Variants in MSRB3 observed in about 807,000 individuals in gnomAD.
MSRB3 encodes methionine sulfoxide reductase B3, also known as methionine-R-sulfoxide reductase B3.
Under a neutral mutation model 21.0 loss-of-function variants are expected in MSRB3, and 13 were observed. The ratio of observed to expected loss-of-function variants is 0.62; its 90% confidence interval spans 0.40 to 0.98. MSRB3 has a LOEUF of 0.98. Among genes scored for constraint, MSRB3 ranks in the 50% least tolerant of loss-of-function variants. The pLI, the probability that MSRB3 is intolerant of heterozygous loss-of-function variation, is 0.00. For synonymous variants in MSRB3, 87 were observed against 88.6 expected (o/e 0.98, Z 0.10); for missense variants, 199 against 230.3 (o/e 0.86, Z 0.88).
intron 5 of MSRB3, among the ~76,000 whole-genome samples, chr12:65,424,486 G>A (rs537617379): frequency 3.5e-4 from 53 of 152,010 alleles, no homozygotes; most frequent in Non-Finnish European, 1.3e-4. Flanking sequence ...TGCTGCATCC[G>A]ATAAGTGTCA....
rs573881775 is a variant in MSRB3, at chr12:65,396,678, T to C, written c.292+27652T>C. On this transcript the variant is annotated intron_variant, in intron 5 of 6. Coordinates refer to ENST00000308259, the MANE Select transcript of MSRB3 (RefSeq NM_001031679.3). ...TACACTCCAGCCTGGGTGACAAGAG[T>C]GAAACTCCATCTCAAAAAAAAAAAA... Among the ~76,000 whole-genome samples, 20 of 108,674 alleles carry C rather than the reference T, an allele frequency of 1.8e-4. No individual in the cohort carries two copies. The South Asian group carries it at 5.9e-3, about 32-fold the overall frequency. 71.3% of individuals were successfully genotyped at this position (108,674 alleles called of 152,430 possible). A position where few individuals can be genotyped will look rare whatever the true frequency, so the allele number is the denominator to read the frequency against.
At chr12:65,373,595 G>A (rs547683455) in intron 5 of MSRB3, among the ~76,000 whole-genome samples, 2 of 152,030 alleles carry the variant, frequency 1.3e-5, no homozygotes, top group African/African-American at 2.4e-5. Flanking sequence ...GGGCTGCTTG[G>A]AATAGCTATA....
At chr12:65,354,398 T>C (rs1452922322) in intron 4 of MSRB3, among the ~76,000 whole-genome samples, 1 of 151,984 alleles carries the variant, frequency 6.6e-6, no homozygotes, top group Non-Finnish European at 1.5e-5. Flanking sequence ...CACAGTCCCT[T>C]ATTTCTTGGA....
At chr12:65,382,914 T>G (rs1204986403) in intron 5 of MSRB3, among the ~76,000 whole-genome samples, 2 of 151,996 alleles carry the variant, frequency 1.3e-5, no homozygotes, top group Middle Eastern at 3.2e-3. Flanking sequence ...GAATAAAAAT[T>G]TCCTCCCAAA....
intron 5 of MSRB3, among the ~76,000 whole-genome samples, chr12:65,372,405 T>G (rs759239275): frequency 2.5e-4 from 38 of 152,250 alleles, no homozygotes; most frequent in Non-Finnish European, 5.1e-4. Context: ...CCTTTTCTGT[T>G]GATTTATAAC....
chr12:65,308,923 A>C, intron 2 of MSRB3: 5 of 512,036 alleles, frequency 9.8e-6, no homozygotes, highest in Non-Finnish European at 1.4e-5. Flanking sequence ...TTTAATGCAC[A>C]CTACACATCT....
rs572373516 is a variant in MSRB3, at chr12:65,308,482, T to C, written c.-51-47T>C. On this transcript the variant is annotated intron_variant, in intron 1 of 6. Transcript: ENST00000308259. ...TTGTGCAATGAATGTGTTTAATATTTGTGATGTTTTAATTTGATTTTTGTT... is the reference window on the plus strand; with the variant it reads ...TTGTGCAATGAATGTGTTTAATATTCGTGATGTTTTAATTTGATTTTTGTT... The C allele has an allele frequency of 3.1e-6, 5 of 1,601,972 alleles. No individual in the cohort carries two copies. The East Asian group carries it at 1.1e-4, about 36-fold the overall frequency.
chr12:65,306,280 T>C (rs935304942), intron 1 of MSRB3, among the ~76,000 whole-genome samples: 1 of 152,238 alleles, frequency 6.6e-6, no homozygotes, highest in African/African-American at 2.4e-5. Flanking sequence ...CATTTCAGTA[T>C]AAAAATACAT....
intron 4 of MSRB3, among the ~76,000 whole-genome samples, chr12:65,354,159 T>A (rs1029491872): frequency 3.9e-5 from 6 of 151,992 alleles, no homozygotes; most frequent in Non-Finnish European, 7.4e-5. Context: ...GCCCTTGACA[T>A]TTTTTCCTTC....
intron 5 of MSRB3, among the ~76,000 whole-genome samples, chr12:65,369,414 T>G (rs1592571992): frequency 6.6e-6 from 1 of 152,168 alleles, no homozygotes; most frequent in South Asian, 2.1e-4. Context: ...CAGCAAACTA[T>G]AGAGAGTTCA....
intron 5 of MSRB3, among the ~76,000 whole-genome samples, chr12:65,432,761 G>A (rs1881942178): frequency 6.6e-6 from 1 of 151,854 alleles, no homozygotes; most frequent in African/African-American, 2.4e-5. Flanking sequence ...TGGCTTAATT[G>A]CTTTGAGTAT....
Position 65,278,810 on chromosome 12 carries a change from C to T in MSRB3, c.-107C>T, listed in dbSNP as rs1871815245. ...CCCTCCCGCGCCCCCTCTCGCTCTG[C>T]CTCTCCCTCTGCCTCTGCCTCTGCC... On this transcript the variant is annotated 5_prime_UTR_variant, in exon 1 of 7. Transcript: ENST00000308259. 3 of 1,571,174 alleles carry T rather than the reference C, an allele frequency of 1.9e-6. No individual in the cohort carries two copies. The highest frequency in any genetic ancestry group is 2.3e-5 in the South Asian group (2 of 85,478).
chr12:65,419,509 T>C (rs1034086018), intron 5 of MSRB3: 1 of 741,440 alleles, frequency 1.3e-6, no homozygotes. Flanking sequence ...CATGGCCAGC[T>C]CTGTGTCATA....
intron 5 of MSRB3, among the ~76,000 whole-genome samples, chr12:65,422,408 A>ATATG (rs1881358270): frequency 5.0e-5 from 2 of 39,880 alleles, no homozygotes; most frequent in Admixed American, 5.4e-4. Context: ...ATATATATAT[A>ATATG]TATATATATA....
chr12:65,439,561 G>A (rs1395633774), intron 5 of MSRB3, among the ~76,000 whole-genome samples: 1 of 151,526 alleles, frequency 6.6e-6, no homozygotes, highest in South Asian at 2.1e-4. Flanking sequence ...TTAGAAAGTA[G>A]AGATTTCGTA....
chr12:65,446,569 G>A (rs1041076808), intron 5 of MSRB3, among the ~76,000 whole-genome samples: 1 of 152,102 alleles, frequency 6.6e-6, no homozygotes, highest in Non-Finnish European at 1.5e-5. Context: ...GATAAACTGA[G>A]CATACATGTT....
At chr12:65,346,968 A>G (rs1197891692) in intron 4 of MSRB3, among the ~76,000 whole-genome samples, 4 of 152,176 alleles carry the variant, frequency 2.6e-5, no homozygotes, top group African/African-American at 4.8e-5. Flanking sequence ...TACCAGTGCC[A>G]TGCTGTTTTG....
chr12:65,438,195 T>C (rs1882207581), intron 5 of MSRB3, among the ~76,000 whole-genome samples: 1 of 151,926 alleles, frequency 6.6e-6, no homozygotes, highest in African/African-American at 2.4e-5. Flanking sequence ...TTTTGGAGAT[T>C]TGAAAAGATC....
intron 2 of MSRB3, among the ~76,000 whole-genome samples, chr12:65,315,405 C>T (rs193253214): frequency 6.6e-6 from 1 of 151,958 alleles, no homozygotes; most frequent in Non-Finnish European, 1.5e-5. Flanking sequence ...GCGCGGTGGT[C>T]GTACCTGTAA....
Sources: gnomAD v4.1 joint callset for allele counts (sites outside exome capture counted in the v4.1 genomes callset) on GRCh38, gnomAD v4.1.1 for gene constraint, MANE v1.5 for transcripts, NCBI Gene and HGNC (gene_info 2026-07-23, HGNC 2026-07-21) for gene names.